WDR86: variants seen among roughly 807,000 people sequenced by gnomAD.
WDR86 encodes the protein WD repeat-containing protein 86.
Under a neutral mutation model 36.5 loss-of-function variants are expected in WDR86, and 30 were observed. That is an observed-to-expected ratio of 0.82 (90% CI 0.61 to 1.11). The LOEUF (loss-of-function observed/expected upper bound fraction) is 1.11, where lower values mean the gene tolerates loss of function less well. Among genes scored for constraint, WDR86 ranks in the 50% most tolerant of loss-of-function variants. The pLI is 0.00. For synonymous variants in WDR86, 255 were observed against 252.9 expected, an observed-to-expected ratio of 1.01 and a Z score of -0.08; for missense variants, 545 against 561.2, an observed-to-expected ratio of 0.97 and a Z score of 0.29.
chr7:151,408,762 A>G (rs1430551090), intron 1 of WDR86: 1 of 398,228 alleles, frequency 2.5e-6, no homozygotes, highest in East Asian at 7.3e-5. Context: ...CCCGAGGCAC[A>G]CTGACCTCCT....
At chr7:151,404,843 AG>A (rs1218450658) in intron 1 of WDR86, among the ~76,000 whole-genome samples, 1 of 152,288 alleles carries the variant, frequency 6.6e-6, no homozygotes, top group Admixed American at 6.5e-5. Flanking sequence ...ATGCAGGAAA[AG>A]CAGCTCAGAG....
At chr7:151,379,010 C>T (rs1201745903), downstream of WDR86, among the ~76,000 whole-genome samples, 2 of 152,166 alleles carry the variant, frequency 1.3e-5, no homozygotes, top group Non-Finnish European at 2.9e-5. Context: ...CTCCACCGGA[C>T]AGGCGGTAGA....
intron 3 of WDR86, 192 bp from the exon 4 acceptor site, chr7:151,385,415 C>T: frequency 1.0e-6 from 1 of 974,674 alleles, no homozygotes; most frequent in Non-Finnish European, 1.5e-6. Flanking sequence ...GCTCCTGCCC[C>T]ATGGGGCAGC....
rs1185544381 is a variant in WDR86 at position 151,400,227 on chromosome 7, C to T, written c.178G>A (p.Val60Met). The T allele has an allele frequency of 2.5e-6, 4 of 1,609,254 alleles. No individual in the cohort carries two copies. The highest frequency in any genetic ancestry group is 2.2e-5 in the East Asian group (1 of 44,668). The change falls in exon 2 of 6, where the codon GTG becomes ATG. Residue 60 changes from valine (V) to methionine (M), a missense_variant. Val to Met is a conservative substitution (Grantham distance 21). Coordinates refer to ENST00000334493, the MANE Select transcript of WDR86 (RefSeq NM_198285.3). ...TCATCCTCCAGCTGGCAGAAGGTCA[C>T]ATAGCTTTCATGTCCTGCAGATGAG... ...CALLQGHESY[V>M]TFCQLEDEAA...
At chr7:151,376,354 G>C, downstream of WDR86, 2 of 494,024 alleles carry the variant, frequency 4.0e-6, no homozygotes, top group Middle Eastern at 5.4e-4. Context: ...CTGACCTCGC[G>C]GTGCTCGTGG....
chr7:151,409,998 G>A lies in WDR86; in HGVS notation c.-409C>T. ...CGGGGAGAGGAACACGGGAAGCCGAGCGCCCCGCGCCCTCCCCGGCCGAGC... is the reference window on the plus strand; with the variant it reads ...CGGGGAGAGGAACACGGGAAGCCGAACGCCCCGCGCCCTCCCCGGCCGAGC... On this transcript the variant is annotated 5_prime_UTR_variant, in exon 1 of 6. Transcript: ENST00000334493. The surrounding 1 kb of genome is among the most constrained non-coding windows in gnomAD (Gnocchi z 5.2). 1 of 1,000,024 alleles carries A rather than the reference G, an allele frequency of 1.0e-6. No individual in the cohort carries two copies. The highest frequency in any genetic ancestry group is 1.2e-6 in the Non-Finnish European group (1 of 840,042). The allele number at this position is 1,000,024 out of a possible 1,614,324, so 61.9% of individuals were successfully genotyped here. A position where few individuals can be genotyped will look rare whatever the true frequency, so the allele number is the denominator to read the frequency against.
downstream of WDR86, chr7:151,377,383 G>T: frequency 1.9e-6 from 1 of 518,292 alleles, no homozygotes; most frequent in Admixed American, 3.8e-5. Context: ...GGGTCCCAGG[G>T]CCTTCATGCG....
rs1800258259 is a variant in WDR86 at position 151,401,137 on chromosome 7, T to C, written c.164-896A>G. ...AAGGGATCCTCCCTCCAGCCGGTCT[T>C]TGCTCTCTCATCCTCACAGGCAGCC... On this transcript the variant is annotated intron_variant, in intron 1 of 5. Transcript: ENST00000334493. This position sits in a 1 kb window ranked among gnomAD's most constrained non-coding sequence, Gnocchi z 4.3. Among the ~76,000 whole-genome samples the C allele has an allele frequency of 6.6e-6, 1 of 152,156 alleles. No homozygotes were observed. The highest frequency in any genetic ancestry group is 2.4e-5 in the African/African-American group (1 of 41,410).
chr7:151,394,529 G>C (rs752259780), intron 3 of WDR86, among the ~76,000 whole-genome samples: 5 of 152,228 alleles, frequency 3.3e-5, no homozygotes, highest in Non-Finnish European at 5.9e-5. Flanking sequence ...ACCTGCCCTG[G>C]AGCAGGGCAG....
chr7:151,376,252 C>T (rs2150727237), downstream of WDR86: 2 of 465,586 alleles, frequency 4.3e-6, no homozygotes, highest in South Asian at 4.7e-5. Context: ...GGCACTGTGA[C>T]CTGGGAAACC....
chr7:151,408,254 T>A (rs1403017087), intron 1 of WDR86, among the ~76,000 whole-genome samples: 1 of 149,966 alleles, frequency 6.7e-6, no homozygotes, highest in Non-Finnish European at 1.5e-5. Context: ...TGGAGTGCAG[T>A]GGCACGATCT....
At chr7:151,375,782 G>A, downstream of WDR86, 1 of 1,057,140 alleles carries the variant, frequency 9.5e-7, no homozygotes, top group Non-Finnish European at 1.5e-6. Flanking sequence ...ATGGCAGGGT[G>A]CAGCGCCTGT....
At position 151,406,392 on chromosome 7, in the gene WDR86, G is replaced by C. The variant is rs917708486; in HGVS notation, c.163+3035C>G. On this transcript the variant is annotated intron_variant, in intron 1 of 5. Transcript: ENST00000334493. The surrounding 1 kb of genome is among the most constrained non-coding windows in gnomAD (Gnocchi z 4.4). ...CCATGAACAGAGCCAGAGGTCTCTA[G>C]AGGAAAAGCGTACGTAGGAGTCGCC... is the stretch of plus-strand genomic sequence containing the variant. Among the ~76,000 whole-genome samples the C allele has an allele frequency of 2.6e-5, 4 of 152,234 alleles. No individual in the cohort carries two copies. The highest frequency in any genetic ancestry group is 9.6e-5 in the African/African-American group (4 of 41,464).
chr7:151,398,710 C>T (rs111380606), intron 2 of WDR86, among the ~76,000 whole-genome samples: 27 of 150,490 alleles, frequency 1.8e-4, no homozygotes, highest in South Asian at 1.5e-3. Flanking sequence ...TGTGTGTGTG[C>T]GCACATGTGT....
exon 2 of WDR86, chr7:151,375,987 T>C: frequency 8.4e-7 from 1 of 1,191,920 alleles, no homozygotes; most frequent in Non-Finnish European, 1.3e-6. Context: ...CAGCCTCGGG[T>C]GGGGTTGCTT....
At chr7:151,379,221 G>GC (rs1798446763), downstream of WDR86, among the ~76,000 whole-genome samples, 1 of 152,166 alleles carries the variant, frequency 6.6e-6, no homozygotes, top group Admixed American at 6.5e-5. Flanking sequence ...AAGAATGGGG[G>GC]CGGATGGTAT....
chr7:151,380,054 C>G (rs1798476874), downstream of WDR86, among the ~76,000 whole-genome samples: 1 of 152,350 alleles, frequency 6.6e-6, no homozygotes, highest in South Asian at 2.1e-4. Context: ...GCAGCAAGAC[C>G]TGGCCACCCC....
chr7:151,370,659 C>T, the WDR86 span, among the ~76,000 whole-genome samples: 1 of 151,640 alleles, frequency 6.6e-6, no homozygotes, highest in Non-Finnish European at 1.5e-5. Context: ...CGTCATTTAG[C>T]ATTAGGTATA....
At chr7:151,387,208 C>A (rs1049602138) in intron 3 of WDR86, among the ~76,000 whole-genome samples, 2 of 152,176 alleles carry the variant, frequency 1.3e-5, no homozygotes, top group Non-Finnish European at 2.9e-5. Context: ...CAGCCCCACA[C>A]CTCTGTGCTG....
Sources: gnomAD v4.1 joint callset for allele counts (sites outside exome capture counted in the v4.1 genomes callset) on GRCh38, gnomAD v4.1.1 for gene constraint, Gnocchi (gnomAD v3.1) non-coding constraint, MANE v1.5 for transcripts, NCBI Gene and HGNC (gene_info 2026-07-23, HGNC 2026-07-21) for gene names.